Variants in RNF152 observed in about 807,000 individuals in gnomAD.
RNF152 encodes ring finger protein 152.
Under a neutral mutation model 12.7 loss-of-function variants are expected in RNF152, and 11 were observed. The observed-to-expected ratio is 0.86, with a 90% CI of 0.54 to 1.43. The LOEUF is 1.43. Among genes scored for constraint, RNF152 ranks in the 40% most tolerant of loss-of-function variants. RNF152 has a pLI of 0.00. For missense variants in RNF152, 255 were observed against 274.8 expected (o/e 0.93, Z 0.51); for synonymous variants, 113 against 120.3 (o/e 0.94, Z 0.40).
intron 1 of RNF152, among the ~76,000 whole-genome samples, chr18:61,844,694 G>A (rs1317291305): frequency 6.6e-6 from 1 of 152,150 alleles, no homozygotes; most frequent in African/African-American, 2.4e-5. Context: ...GTTTAGGAGA[G>A]AATAAGTGTA....
intron 1 of RNF152, among the ~76,000 whole-genome samples, chr18:61,876,563 C>G (rs949255245): frequency 2.0e-5 from 3 of 152,202 alleles, no homozygotes; most frequent in Non-Finnish European, 4.4e-5. Flanking sequence ...ATCTCCTTAA[C>G]AGAATGACAA....
chr18:61,828,777 A>G (rs1287922649), intron 1 of RNF152, among the ~76,000 whole-genome samples: 2 of 152,200 alleles, frequency 1.3e-5, no homozygotes, highest in Non-Finnish European at 2.9e-5. Context: ...CATATTGAGT[A>G]TAAGGCACTA....
chr18:61,832,753 G>A (rs1025342146), intron 1 of RNF152, among the ~76,000 whole-genome samples: 2 of 152,154 alleles, frequency 1.3e-5, no homozygotes, highest in Non-Finnish European at 2.9e-5. Flanking sequence ...AAATCGACAG[G>A]ATTTTAAAAG....
In RNF152 at chr18:61,816,512, T is replaced by C; in HGVS notation, c.-49A>G. On this transcript the variant is annotated 5_prime_UTR_variant, in exon 2 of 2. Coordinates refer to ENST00000312828, the MANE Select transcript of RNF152 (RefSeq NM_173557.3). ...AAGGCCAAGGTGAAGGGGAAGGAGCTGCTTCTCAGAGGCCACCGCCCTGTG... is the reference window on the plus strand; with the variant it reads ...AAGGCCAAGGTGAAGGGGAAGGAGCCGCTTCTCAGAGGCCACCGCCCTGTG... 6.4e-7 allele frequency: 1 copy of C among 1,555,272 alleles called. No homozygotes were observed.
chr18:61,831,792 A>C (rs1347390503), intron 1 of RNF152, among the ~76,000 whole-genome samples: 1 of 152,188 alleles, frequency 6.6e-6, no homozygotes. Context: ...TATTTTAAAA[A>C]GTGTCCTGTC....
At chr18:61,846,230 C>T (rs762425086) in intron 1 of RNF152, among the ~76,000 whole-genome samples, 18 of 152,144 alleles carry the variant, frequency 1.2e-4, no homozygotes, top group Non-Finnish European at 2.2e-4. Flanking sequence ...CTTGTTCTTG[C>T]CTTTTCCTCA....
At chr18:61,837,934 C>T (rs574072692) in intron 1 of RNF152, among the ~76,000 whole-genome samples, 1 of 152,284 alleles carries the variant, frequency 6.6e-6, no homozygotes, top group South Asian at 2.1e-4. Context: ...ATCCAGGCCT[C>T]ATCTCCTGCC....
intron 1 of RNF152, among the ~76,000 whole-genome samples, chr18:61,845,809 C>G (rs1384593035): frequency 1.3e-5 from 2 of 151,626 alleles, no homozygotes; most frequent in Non-Finnish European, 2.9e-5. Flanking sequence ...TAAGTCTGTT[C>G]AAAAATGTAG....
At chr18:61,889,278 T>C (rs984196546) in intron 1 of RNF152, among the ~76,000 whole-genome samples, 2 of 152,232 alleles carry the variant, frequency 1.3e-5, no homozygotes, top group Non-Finnish European at 2.9e-5. Flanking sequence ...TGGAGAGCTA[T>C]CTTTATAAAA....
Position 61,821,325 on chromosome 18 carries a change from T to C in RNF152, c.-135-4727A>G, listed in dbSNP as rs185499459. On this transcript the variant is annotated intron_variant, in intron 1 of 1. Coordinates refer to ENST00000312828, the MANE Select transcript of RNF152 (RefSeq NM_173557.3). ...TAAGTTCTAGGCCTTACAAGCCATT[T>C]TGACAGCAGCCTCTCTGATTTATGC... Among the ~76,000 whole-genome samples, 10 of 152,366 alleles carry C rather than the reference T, an allele frequency of 6.6e-5. No individual in the cohort carries two copies. The East Asian group carries it at 1.9e-3, about 29-fold the overall frequency.
chr18:61,848,952 A>C (rs1910849415), intron 1 of RNF152, among the ~76,000 whole-genome samples: 1 of 152,166 alleles, frequency 6.6e-6, no homozygotes, highest in African/African-American at 2.4e-5. Context: ...TCCAGCACAA[A>C]CCAATAGCCC....
At chr18:61,827,929 C>T (rs2144640933) in intron 1 of RNF152, among the ~76,000 whole-genome samples, 1 of 152,278 alleles carries the variant, frequency 6.6e-6, no homozygotes, top group East Asian at 1.9e-4. Context: ...GCGGTGCAAC[C>T]CAACACCATC....
chr18:61,809,769 A>G lies in RNF152; in HGVS notation c.*6083T>C, dbSNP rs1369974235. The G allele has an allele frequency of 6.6e-6, 1 of 152,072 alleles. No individual in the cohort carries two copies. Among genetic ancestry groups the G allele is most frequent in the Non-Finnish European group, 1.5e-5 (1 of 68,024 alleles). The allele number at this position is 152,072 out of a possible 1,614,324, so 9.4% of individuals were successfully genotyped here. A position where few individuals can be genotyped will look rare whatever the true frequency, so the allele number is the denominator to read the frequency against. On this transcript the variant is annotated 3_prime_UTR_variant, in exon 2 of 2. Coordinates refer to ENST00000312828, the MANE Select transcript of RNF152 (RefSeq NM_173557.3). ...ATAAAAAACCTTAGATTAGAATAATAAAATCGAGCTAATGAGATGAGTATT... is the reference window on the plus strand; with the variant it reads ...ATAAAAAACCTTAGATTAGAATAATGAAATCGAGCTAATGAGATGAGTATT...
chr18:61,857,719 A>G (rs1014477728), intron 1 of RNF152, among the ~76,000 whole-genome samples: 1 of 152,172 alleles, frequency 6.6e-6, no homozygotes, highest in African/African-American at 2.4e-5. Flanking sequence ...ACAAACAAAC[A>G]AACAAAAACT....
At chr18:61,860,272 C>T (rs1911407981) in intron 1 of RNF152, among the ~76,000 whole-genome samples, 1 of 152,142 alleles carries the variant, frequency 6.6e-6, no homozygotes, top group South Asian at 2.1e-4. Context: ...TAAGGCAGCC[C>T]TAGAAAACTC....
intron 1 of RNF152, among the ~76,000 whole-genome samples, chr18:61,850,750 TG>T (rs1281590793): frequency 3.9e-5 from 6 of 152,366 alleles, no homozygotes; most frequent in African/African-American, 1.2e-4. Flanking sequence ...GACAATTTTA[TG>T]GTTTATCCAA....
intron 1 of RNF152, among the ~76,000 whole-genome samples, chr18:61,819,006 A>C (rs1246021583): frequency 3.3e-5 from 5 of 152,232 alleles, no homozygotes; most frequent in Non-Finnish European, 5.9e-5. Flanking sequence ...GACACAAAAA[A>C]TCAGGGGACA....
At chr18:61,861,231 C>T (rs1466313617) in intron 1 of RNF152, among the ~76,000 whole-genome samples, 2 of 152,206 alleles carry the variant, frequency 1.3e-5, no homozygotes, top group African/African-American at 4.8e-5. Flanking sequence ...CTCAGAGCAA[C>T]TTCCAGTCCT....
intron 1 of RNF152, among the ~76,000 whole-genome samples, chr18:61,850,417 T>G (rs1379123464): frequency 6.6e-6 from 1 of 152,226 alleles, no homozygotes; most frequent in African/African-American, 2.4e-5. Context: ...AAACAAAATT[T>G]CTTTGAGCAC....
Sources: allele counts gnomAD v4.1 joint callset (sites outside exome capture counted in the v4.1 genomes callset), GRCh38; gene constraint gnomAD v4.1.1; transcripts MANE v1.5; gene names NCBI Gene and HGNC (gene_info 2026-07-23, HGNC 2026-07-21).